ETFB: variants seen among roughly 807,000 people sequenced by gnomAD.
ETFB encodes beta-ETF.
ETFB carries 20 observed loss-of-function variants against 25.6 expected under a neutral mutation model. The ratio of observed to expected loss-of-function variants is 0.78; its 90% CI spans 0.55 to 1.14. ETFB has a LOEUF of 1.14. Ranked by LOEUF, ETFB falls within the 50% of genes most tolerant of loss-of-function variation. The pLI, the probability that ETFB is intolerant of heterozygous loss-of-function variation, is 0.00. For missense variants in ETFB, 286 were observed against 342.6 expected (o/e 0.83, Z 1.30); for synonymous variants, 142 against 146.7 (o/e 0.97, Z 0.23).
In ETFB at chr19:51,345,489, C is replaced by A. The variant is rs10409581; in HGVS notation, c.598-108G>T. Reference sequence around the variant, plus strand: ...TGCAGACCAGTCCCATGGGCTGAACCCTCTGGACCCACCCACTGGCCAGGA... The same window carrying A: ...TGCAGACCAGTCCCATGGGCTGAACACTCTGGACCCACCCACTGGCCAGGA... On this transcript the variant is annotated intron_variant, in intron 5 of 5. Transcript: ENST00000309244. The A allele has an allele frequency of 2.9e-3, 3,210 of 1,110,626 alleles. 61 individuals carry two copies. In the African/African-American group the frequency reaches 0.043, roughly 15 times the overall value. The allele number at this position is 1,110,626 out of a possible 1,614,324, so 68.8% of individuals were successfully genotyped here. A position where few individuals can be genotyped will look rare whatever the true frequency, so the allele number is the denominator to read the frequency against.
At chr19:51,360,226 A>G (rs1298292891) in intron 1 of ETFB, among the ~76,000 whole-genome samples, 1 of 151,734 alleles carries the variant, frequency 6.6e-6, no homozygotes. Context: ...ACATGGTAAA[A>G]CCCCATCTCT....
In ETFB at chr19:51,350,366, G is replaced by T; in HGVS notation, c.401C>A (p.Thr134Lys). ...AAGAAATCCAGCTGTCATCTGCCCT[G>T]TCTGGTTACAGTCATCATCGATGGC... Reference protein sequence around the residue: ...KQAIDDDCNQTGQMTAGFLDW... With the variant: ...KQAIDDDCNQKGQMTAGFLDW... Residue 134 changes from threonine to lysine, a missense_variant, in exon 4 of 6, where the codon ACA (threonine) becomes AAA (lysine). Physicochemically the swap from Thr to Lys is moderately conservative, Grantham distance 78. Coordinates refer to ENST00000309244, the MANE Select transcript of ETFB (RefSeq NM_001985.3). 6.2e-7 allele frequency: 1 copy of T among 1,601,982 alleles called. No homozygotes were observed. Among genetic ancestry groups the T allele is most frequent in the Non-Finnish European group, 8.5e-7 (1 of 1,170,630 alleles).
chr19:51,356,839 T>G (rs1043328592), intron 1 of ETFB: 1 of 152,178 alleles, frequency 6.6e-6, no homozygotes, highest in African/African-American at 2.4e-5. Flanking sequence ...TCTTGCCTCC[T>G]CCAGCTTCTG....
At chr19:51,363,217 G>A (rs1455342965) in intron 1 of ETFB, among the ~76,000 whole-genome samples, 1 of 152,106 alleles carries the variant, frequency 6.6e-6, no homozygotes, top group Non-Finnish European at 1.5e-5. Context: ...GTGATTCTGG[G>A]AACAGAGGTG....
At position 51,353,210 on chromosome 19, in the gene ETFB, C is replaced by T. The variant is rs776017865; in HGVS notation, c.297G>A (p.Leu99=). ...GGACCCGAGCCACCTGCAGGGGACC[C>T]AAGCGTTCTGCTTCTGCTGGGGGCA... The part of the protein sequence containing the change: ...VEVPPAEAER[L]GPLQVARVLA... Residue 99 remains leucine (L), a synonymous_variant, in exon 3 of 6, where the codon TTG becomes TTA. Transcript: ENST00000309244. 1.2e-5 allele frequency: 19 copies of T among 1,614,012 alleles called. No homozygotes were observed. Among genetic ancestry groups the T allele is most frequent in the East Asian group, 2.2e-5 (1 of 44,902 alleles).
At chr19:51,358,998 AAAAAAG>A (rs532619014) in intron 1 of ETFB, among the ~76,000 whole-genome samples, 1,775 of 152,128 alleles carry the variant, frequency 0.012, 11 homozygotes, top group Non-Finnish European at 0.019. Context: ...ACCTCATCTC[AAAAAAG>A]AAAAAGAAAA....
intron 1 of ETFB, among the ~76,000 whole-genome samples, chr19:51,364,812 G>A (rs912972908): frequency 3.3e-5 from 5 of 152,206 alleles, no homozygotes; most frequent in Admixed American, 1.3e-4. Context: ...AGACTTGCCC[G>A]GGGTTTCGAT....
intron 3 of ETFB, among the ~76,000 whole-genome samples, chr19:51,351,711 ATC>A (rs1209160477): frequency 6.6e-6 from 1 of 151,974 alleles, no homozygotes; most frequent in Non-Finnish European, 1.5e-5. Context: ...GCTGTTGATA[ATC>A]TCTCTCTGTT....
At chr19:51,366,233 C>T (rs370928045) in intron 1 of ETFB, 37 bp downstream of exon 1, 2 of 1,603,644 alleles carry the variant, frequency 1.2e-6, no homozygotes, top group Non-Finnish European at 1.7e-6. Context: ...CACACGGCTG[C>T]GGGACTCAGG....
chr19:51,362,697 G>C (rs951145892), intron 1 of ETFB, among the ~76,000 whole-genome samples: 1 of 152,150 alleles, frequency 6.6e-6, no homozygotes, highest in Non-Finnish European at 1.5e-5. Context: ...AGAAAAATGA[G>C]GCTTAGAGTG....
At position 51,353,102 on chromosome 19, in the gene ETFB, G is replaced by A. The variant is rs764387858; in HGVS notation, c.375+30C>T. 2.5e-6 allele frequency: 4 copies of A among 1,613,232 alleles called. No individual in the cohort carries two copies. In the South Asian group the frequency reaches 4.4e-5, roughly 18 times the overall value. On this transcript the variant is annotated intron_variant, in intron 3 of 5. Coordinates refer to ENST00000309244, the MANE Select transcript of ETFB (RefSeq NM_001985.3). Reference sequence around the variant, plus strand: ...CCTCCTCCCGAGCAGGGATGAGCAAGGGGGCACAGGGAGGGCTGACCACAG... The same window carrying A: ...CCTCCTCCCGAGCAGGGATGAGCAAAGGGGCACAGGGAGGGCTGACCACAG...
chr19:51,365,847 A>G (rs1252547586), intron 1 of ETFB, among the ~76,000 whole-genome samples: 1 of 152,192 alleles, frequency 6.6e-6, no homozygotes, highest in Non-Finnish European at 1.5e-5. Context: ...CATTTCGGGT[A>G]ATATAAGAGT....
chr19:51,349,952 G>A (rs910640576), intron 4 of ETFB, among the ~76,000 whole-genome samples: 4 of 152,066 alleles, frequency 2.6e-5, no homozygotes, highest in African/African-American at 9.7e-5. Context: ...TCAACATGTT[G>A]ACCAGGCTGG....
intron 1 of ETFB, among the ~76,000 whole-genome samples, chr19:51,364,362 C>T (rs932439500): frequency 4.6e-5 from 7 of 152,120 alleles, no homozygotes; most frequent in African/African-American, 1.7e-4. Flanking sequence ...ATGCAGGGAG[C>T]CCTGGGGCAC....
intron 1 of ETFB, among the ~76,000 whole-genome samples, chr19:51,363,562 C>A (rs1986280988): frequency 6.6e-6 from 1 of 152,104 alleles, no homozygotes; most frequent in Admixed American, 6.5e-5. Context: ...GATTCTCCTG[C>A]CTCAGCCTCC....
chr19:51,347,296 C>T (rs1883581179), intron 4 of ETFB: 1 of 547,902 alleles, frequency 1.8e-6, no homozygotes, highest in Non-Finnish European at 3.3e-6. Flanking sequence ...GCCAGTGAGG[C>T]CTCCCTGCCT....
chr19:51,356,956 GTCTC>G (rs1339668450), intron 1 of ETFB: 1 of 151,932 alleles, frequency 6.6e-6, no homozygotes, highest in Non-Finnish European at 1.5e-5. Context: ...GTCTCCCTCT[GTCTC>G]TCTCTTATAA....
rs1279321922 is a variant in ETFB, at chr19:51,347,116, C to CAGTCT, written c.439-63_439-59dup. The stretch of plus-strand genomic sequence containing the variant: ...GAGGCTAATTCAGGTCCGACCCGAG[C>CAGTCT]AGTCTGCTTATGCCACTACTGAGTA... On this transcript the variant is annotated intron_variant, in intron 4 of 5. Coordinates refer to ENST00000309244, the MANE Select transcript of ETFB (RefSeq NM_001985.3). The CAGTCT allele has an allele frequency of 2.5e-6, 4 of 1,578,740 alleles. No individual in the cohort carries two copies. The Admixed American group carries it at 6.7e-5, about 27-fold the overall frequency.
chr19:51,347,458 C>G (rs760186368), intron 4 of ETFB: 9 of 206,090 alleles, frequency 4.4e-5, no homozygotes, highest in Admixed American at 3.2e-4. Context: ...CTGAGTTACA[C>G]GCCCACTGCC....
Sources: allele counts gnomAD v4.1 joint callset (sites outside exome capture counted in the v4.1 genomes callset), GRCh38; gene constraint gnomAD v4.1.1; transcripts MANE v1.5; gene names NCBI Gene and HGNC (gene_info 2026-07-23, HGNC 2026-07-21).